TNIK: variants seen among roughly 807,000 people sequenced by gnomAD.
TNIK encodes TRAF2 and NCK-interacting protein kinase.
Under a neutral mutation model 191.3 loss-of-function variants are expected in TNIK, and 49 were observed. That is an observed-to-expected ratio of 0.26 (90% CI 0.20 to 0.32). The LOEUF is 0.32. TNIK is among the 10% of genes least tolerant of loss of function. The probability of loss-of-function intolerance (pLI) is 1.00; values close to 1 mark genes in which losing one functional copy is unlikely to be tolerated. For synonymous variants in TNIK, 594 were observed against 600.9 expected, an observed-to-expected ratio of 0.99 and a Z score of 0.17; for missense variants, 1,155 against 1,702.3, an observed-to-expected ratio of 0.68 and a Z score of 5.66.
intron 2 of TNIK, among the ~76,000 whole-genome samples, chr3:171,233,202 T>C (rs1743877534): frequency 6.6e-6 from 1 of 152,302 alleles, no homozygotes; most frequent in Admixed American, 6.5e-5. Context: ...CTCCACTTTA[T>C]TGAGGAAGTC....
chr3:171,140,410 C>T lies in TNIK; in HGVS notation c.1321G>A (p.Glu441Lys). ...GGTCCCAGCTGTACCTGTTCATGCT[C>T]CGCACGCCTCCTCTCCTCCTCCCGG... ...MRREEERRRA[E>K]HEQEYIRRQL... is the part of the protein sequence containing the mutation. Residue 441 changes from glutamate to lysine, a missense_variant, in exon 13 of 33, where the codon GAG (glutamate) becomes AAG (lysine). By Grantham distance (56) the Glu-to-Lys change is moderately conservative (BLOSUM62 1). Coordinates refer to ENST00000436636, the MANE Select transcript of TNIK (RefSeq NM_015028.4). 6.3e-7 allele frequency: 1 copy of T among 1,596,738 alleles called. No individual in the cohort carries two copies. Among genetic ancestry groups the T allele is most frequent in the Non-Finnish European group, 8.5e-7 (1 of 1,171,610 alleles).
intron 3 of TNIK, among the ~76,000 whole-genome samples, chr3:171,214,379 C>A (rs1340294964): frequency 1.3e-5 from 2 of 152,128 alleles, no homozygotes; most frequent in Non-Finnish European, 2.9e-5. Context: ...AAAGTTATAG[C>A]CCCATGAATC....
chr3:171,351,353 A>T lies in TNIK; in HGVS notation c.123+18267T>A, dbSNP rs73879540. Among the ~76,000 whole-genome samples the T allele has an allele frequency of 3.4e-3, 510 of 151,240 alleles. 3 individuals are homozygous for T. The highest frequency in any genetic ancestry group is 0.012 in the African/African-American group (488 of 41,298). On this transcript the variant is annotated intron_variant, in intron 2 of 32. Coordinates refer to ENST00000436636, the MANE Select transcript of TNIK (RefSeq NM_015028.4). ...CTGAGTGACTATTCTCTATCCTATC[A>T]CTGTAAAAACACTTGACAGATCTCT... is the stretch of plus-strand genomic sequence containing the variant.
At chr3:171,434,304 T>G (rs1725746010) in intron 1 of TNIK, among the ~76,000 whole-genome samples, 2 of 152,148 alleles carry the variant, frequency 1.3e-5, no homozygotes, top group Non-Finnish European at 2.9e-5. Flanking sequence ...TACTATTGAT[T>G]TGGGTATATT....
intron 12 of TNIK, among the ~76,000 whole-genome samples, chr3:171,151,942 G>C (rs2108684304): frequency 6.6e-6 from 1 of 152,300 alleles, no homozygotes; most frequent in Admixed American, 6.5e-5. Flanking sequence ...GCTTCAGCTT[G>C]CACAGCTGAG....
chr3:171,203,946 T>C (rs1009668984), intron 4 of TNIK, among the ~76,000 whole-genome samples: 1 of 152,236 alleles, frequency 6.6e-6, no homozygotes, highest in Non-Finnish European at 1.5e-5. Flanking sequence ...TGATTACAAA[T>C]TTATTTCCTG....
chr3:171,071,815 C>CT (rs1449402024), intron 28 of TNIK, among the ~76,000 whole-genome samples: 2 of 152,074 alleles, frequency 1.3e-5, no homozygotes, highest in Admixed American at 1.3e-4. Flanking sequence ...ATTTATGCTT[C>CT]TAACGAAAGG....
intron 2 of TNIK, among the ~76,000 whole-genome samples, chr3:171,292,465 G>T (rs1247584646): frequency 1.3e-5 from 2 of 152,164 alleles, no homozygotes; most frequent in African/African-American, 2.4e-5. Flanking sequence ...TAACTGTGCT[G>T]CTTTGATTTT....
intron 2 of TNIK, among the ~76,000 whole-genome samples, chr3:171,283,780 A>G (rs754426543): frequency 2.0e-5 from 3 of 152,182 alleles, no homozygotes; most frequent in Non-Finnish European, 4.4e-5. Flanking sequence ...CTCAAATCAG[A>G]CACACATAAG....
Position 171,261,741 on chromosome 3 carries a change from T to A in TNIK, c.124-33520A>T, listed in dbSNP as rs148833221. 3.8e-3 allele frequency among the ~76,000 whole-genome samples: 575 copies of A among 152,256 alleles called. 3 individuals are homozygous for A. Among genetic ancestry groups the A allele is most frequent in the African/African-American group, 0.013 (554 of 41,532 alleles). On this transcript the variant is annotated intron_variant, in intron 2 of 32. Transcript: ENST00000436636. ...GCTTCAGGTGGTGTGGCTACAGCAA[T>A]GGGCGAGGCACCCTCTTCTAATGAA...
chr3:171,379,114 T>C (rs1717659628), intron 1 of TNIK, among the ~76,000 whole-genome samples: 1 of 152,216 alleles, frequency 6.6e-6, no homozygotes, highest in Admixed American at 6.5e-5. Flanking sequence ...CATGGCCAGT[T>C]TGACAGTCCA....
intron 2 of TNIK, among the ~76,000 whole-genome samples, chr3:171,314,188 C>T (rs1028565832): frequency 1.3e-5 from 2 of 152,170 alleles, no homozygotes; most frequent in Admixed American, 1.3e-4. Flanking sequence ...TTTACAACCA[C>T]ATCTCTTAGT....
intron 14 of TNIK, 99 bp from the exon 15 acceptor site, chr3:171,138,478 C>T: frequency 2.6e-6 from 3 of 1,136,500 alleles, no homozygotes; most frequent in Non-Finnish European, 2.4e-6. Flanking sequence ...CAAAATAATG[C>T]TAAATAACAA....
chr3:171,423,023 G>A (rs1361560942), intron 1 of TNIK, among the ~76,000 whole-genome samples: 1 of 152,148 alleles, frequency 6.6e-6, no homozygotes, highest in African/African-American at 2.4e-5. Context: ...TAGACAATGT[G>A]CAAATGAGTC....
chr3:171,219,069 A>ATATAAATATATATTTTATAAATATATAAT (rs1741895784), intron 3 of TNIK, among the ~76,000 whole-genome samples: 1 of 89,430 alleles, frequency 1.1e-5, no homozygotes, highest in East Asian at 2.6e-4. Flanking sequence ...TATATTAAAT[A>ATATAAATATATATTTTATAAATATATAAT]TATAAATATA....
intron 12 of TNIK, among the ~76,000 whole-genome samples, chr3:171,156,524 C>G (rs1291682399): frequency 6.6e-6 from 1 of 152,262 alleles, no homozygotes; most frequent in East Asian, 1.9e-4. Context: ...TCATCTGCTG[C>G]CCAACTTCCC....
intron 2 of TNIK, among the ~76,000 whole-genome samples, chr3:171,311,407 T>C (rs1164311742): frequency 6.6e-6 from 1 of 152,178 alleles, no homozygotes; most frequent in African/African-American, 2.4e-5. Flanking sequence ...TGCTAGGAAC[T>C]CCAAGTATAT....
At chr3:171,108,212 C>T (rs1411108665) in intron 19 of TNIK, 50 bp from the exon 20 acceptor site, 1 of 1,416,870 alleles carries the variant, frequency 7.1e-7, no homozygotes, top group African/African-American at 1.4e-5. Flanking sequence ...TCAAAAAGTG[C>T]TGGCTCAAGT....
intron 2 of TNIK, among the ~76,000 whole-genome samples, chr3:171,341,239 G>A (rs1263108115): frequency 7.2e-5 from 11 of 151,982 alleles, no homozygotes; most frequent in East Asian, 1.9e-4. Flanking sequence ...TTGGGAGGCC[G>A]AGGCAGGTGG....
Sources: gnomAD v4.1 joint callset for allele counts (sites outside exome capture counted in the v4.1 genomes callset) on GRCh38, gnomAD v4.1.1 for gene constraint, MANE v1.5 for transcripts, NCBI Gene and HGNC (gene_info 2026-07-23, HGNC 2026-07-21) for gene names.